GUCY1A2: variants seen among roughly 807,000 people sequenced by gnomAD.
GUCY1A2 encodes guanylate cyclase soluble subunit alpha-2.
GUCY1A2 carries 27 observed loss-of-function variants against 63.5 expected under a neutral mutation model. That is an observed-to-expected ratio of 0.43 (90% CI 0.31 to 0.59). GUCY1A2 has a LOEUF of 0.59. Among genes scored for constraint, GUCY1A2 ranks in the 20% least tolerant of loss-of-function variants. The pLI is 0.11. For missense variants in GUCY1A2, 768 were observed against 913.3 expected, an observed-to-expected ratio of 0.84 and a Z score of 2.05; for synonymous variants, 364 against 343.5, an observed-to-expected ratio of 1.06 and a Z score of -0.66.
intron 4 of GUCY1A2, among the ~76,000 whole-genome samples, chr11:106,844,740 G>A (rs1859248128): frequency 6.6e-6 from 1 of 151,548 alleles, no homozygotes; most frequent in Non-Finnish European, 1.5e-5. Context: ...ATCCTGTTTT[G>A]TTTAATATCT....
At chr11:106,796,924 G>T (rs1024116965) in intron 5 of GUCY1A2, among the ~76,000 whole-genome samples, 3 of 152,172 alleles carry the variant, frequency 2.0e-5, no homozygotes, top group African/African-American at 7.2e-5. Flanking sequence ...ATCAGACGTA[G>T]ATTTGGTCTT....
At chr11:106,958,493 A>G (rs539605983) in intron 3 of GUCY1A2, among the ~76,000 whole-genome samples, 1 of 152,332 alleles carries the variant, frequency 6.6e-6, no homozygotes, top group South Asian at 2.1e-4. Context: ...CTCTTCTCAC[A>G]GAAGTCCTTT....
intron 3 of GUCY1A2, among the ~76,000 whole-genome samples, chr11:106,962,909 T>A (rs899275201): frequency 2.6e-5 from 4 of 151,898 alleles, no homozygotes; most frequent in Admixed American, 2.6e-4. Flanking sequence ...TCTGACCTGT[T>A]ATTAATTTAA....
chr11:106,926,060 A>C (rs1360703610), intron 4 of GUCY1A2, among the ~76,000 whole-genome samples: 2 of 152,214 alleles, frequency 1.3e-5, no homozygotes, highest in African/African-American at 4.8e-5. Context: ...AGAATTAACA[A>C]GTGTAAAGAT....
At position 106,969,130 on chromosome 11, in the gene GUCY1A2, T is replaced by C. The variant is rs2120089619; in HGVS notation, c.487+9489A>G. On this transcript the variant is annotated intron_variant, in intron 3 of 7. Coordinates refer to ENST00000526355, the MANE Select transcript of GUCY1A2 (RefSeq NM_000855.3). ...GTGGGATCATAAGGGGAATTTACCA[T>C]ATATAAAATGTCTTAATTTAAGTAA... Among the ~76,000 whole-genome samples, 2 of 152,326 alleles carry C rather than the reference T, an allele frequency of 1.3e-5. 1 individual carries two copies. Among genetic ancestry groups the C allele is most frequent in the Middle Eastern group, 6.8e-3 (2 of 294 alleles).
At position 106,684,429 on chromosome 11, in the gene GUCY1A2, A is replaced by C. The variant is rs1049850770; in HGVS notation, c.*3120T>G. The C allele has an allele frequency of 5.2e-6, 1 of 191,782 alleles. No individual in the cohort carries two copies. Among genetic ancestry groups the C allele is most frequent in the African/African-American group, 2.3e-5 (1 of 42,994 alleles). 11.9% of individuals were successfully genotyped at this position (191,782 alleles called of 1,614,324 possible). A position where few individuals can be genotyped will look rare whatever the true frequency, so the allele number is the denominator to read the frequency against. ...AGAGATCCAACTACTATGTTTCTGAAGCATATTATTATTTTTTATTATGGC... is the reference window on the plus strand; with the variant it reads ...AGAGATCCAACTACTATGTTTCTGACGCATATTATTATTTTTTATTATGGC... On this transcript the variant is annotated 3_prime_UTR_variant, in exon 8 of 8. Transcript: ENST00000526355.
intron 6 of GUCY1A2, among the ~76,000 whole-genome samples, chr11:106,765,155 T>G (rs1272803881): frequency 1.6e-5 from 1 of 63,540 alleles, no homozygotes; most frequent in Non-Finnish European, 2.9e-5. Flanking sequence ...TTGTGTAGAT[T>G]AAGTGAGATA....
intron 3 of GUCY1A2, among the ~76,000 whole-genome samples, chr11:106,966,577 A>T (rs1163118009): frequency 6.6e-6 from 1 of 152,220 alleles, no homozygotes; most frequent in Non-Finnish European, 1.5e-5. Context: ...ATTTGTATTG[A>T]TGGAACAAAG....
At chr11:106,983,132 G>C (rs1861359193) in intron 2 of GUCY1A2, among the ~76,000 whole-genome samples, 1 of 152,180 alleles carries the variant, frequency 6.6e-6, no homozygotes, top group African/African-American at 2.4e-5. Context: ...TAATTGCTTT[G>C]CTGTGGTGAA....
intron 6 of GUCY1A2, among the ~76,000 whole-genome samples, chr11:106,767,558 T>G (rs1487929198): frequency 1.3e-5 from 2 of 152,098 alleles, no homozygotes; most frequent in African/African-American, 4.8e-5. Context: ...AATTCTGTGA[T>G]TATATAAAAT....
intron 4 of GUCY1A2, among the ~76,000 whole-genome samples, chr11:106,884,628 C>T (rs1205004617): frequency 6.6e-6 from 1 of 151,810 alleles, no homozygotes; most frequent in East Asian, 1.9e-4. Context: ...GTTACAGAAA[C>T]CAAAGAAAGA....
In GUCY1A2 at chr11:106,687,775, G is replaced by C; in HGVS notation, c.1992-19C>G. On this transcript the variant is annotated intron_variant, in intron 7 of 7. Coordinates refer to ENST00000526355, the MANE Select transcript of GUCY1A2 (RefSeq NM_000855.3). ...TAATAATCTAAGAAGAAAATACAGA[G>C]CACATGAATCAAGTAGGCCAGGGAA... 2.0e-6 allele frequency: 3 copies of C among 1,521,094 alleles called. No homozygotes were observed. The highest frequency in any genetic ancestry group is 2.7e-6 in the Non-Finnish European group (3 of 1,095,362). 94.2% of individuals were successfully genotyped at this position (1,521,094 alleles called of 1,614,324 possible).
intron 4 of GUCY1A2, among the ~76,000 whole-genome samples, chr11:106,816,515 A>G (rs551207670): frequency 1.3e-5 from 2 of 151,728 alleles, no homozygotes; most frequent in Non-Finnish European, 2.9e-5. Flanking sequence ...ACAAATCACG[A>G]ATCAATAATC....
intron 7 of GUCY1A2, among the ~76,000 whole-genome samples, chr11:106,698,610 T>C (rs1048804764): frequency 6.6e-6 from 1 of 152,146 alleles, no homozygotes; most frequent in African/African-American, 2.4e-5. Flanking sequence ...CTGGGTACAT[T>C]TGTCAAAACT....
chr11:106,893,308 C>T (rs918635676), intron 4 of GUCY1A2, among the ~76,000 whole-genome samples: 2 of 152,000 alleles, frequency 1.3e-5, no homozygotes, highest in Non-Finnish European at 2.9e-5. Flanking sequence ...GAATCAAAAA[C>T]ATGTTGGTTA....
intron 6 of GUCY1A2, chr11:106,746,475 T>A: frequency 1.4e-6 from 1 of 730,842 alleles, no homozygotes; most frequent in Admixed American, 2.4e-5. Flanking sequence ...AGGATTATAC[T>A]CAAGGAAGTA....
At position 106,760,421 on chromosome 11, in the gene GUCY1A2, T is replaced by C. The variant is rs576033450; in HGVS notation, c.1836+16018A>G. Among the ~76,000 whole-genome samples the C allele has an allele frequency of 6.9e-4, 105 of 152,294 alleles. 1 individual carries two copies. The highest frequency in any genetic ancestry group is 4.9e-3 in the Admixed American group (75 of 15,280). ...CATGGCTATATGTGAATTTCTAAAG[T>C]GGGCCGAACTTCAAGGAATGATACA... On this transcript the variant is annotated intron_variant, in intron 6 of 7. Coordinates refer to ENST00000526355, the MANE Select transcript of GUCY1A2 (RefSeq NM_000855.3).
intron 6 of GUCY1A2, among the ~76,000 whole-genome samples, chr11:106,744,258 T>C (rs904880658): frequency 2.0e-5 from 3 of 148,634 alleles, no homozygotes; most frequent in African/African-American, 7.5e-5. Context: ...TTTTTTTTTT[T>C]TTTTTTGAGA....
At chr11:106,999,564 T>G (rs1861586126) in intron 1 of GUCY1A2, among the ~76,000 whole-genome samples, 4 of 152,230 alleles carry the variant, frequency 2.6e-5, no homozygotes. Flanking sequence ...ATGGCCAAAA[T>G]GTGTTGGTTT....
Sources: gnomAD v4.1 joint callset for allele counts (sites outside exome capture counted in the v4.1 genomes callset) on GRCh38, gnomAD v4.1.1 for gene constraint, MANE v1.5 for transcripts, NCBI Gene and HGNC (gene_info 2026-07-23, HGNC 2026-07-21) for gene names.